RARS2: variants seen among roughly 807,000 people sequenced by gnomAD.
The protein encoded by RARS2 is probable arginine--tRNA ligase, mitochondrial.
In RARS2, 67 loss-of-function variants were observed where a neutral mutation model predicts 88.5. The ratio of observed to expected loss-of-function variants is 0.76; its 90% confidence interval spans 0.62 to 0.93. The LOEUF (loss-of-function observed/expected upper bound fraction) is 0.93. Among genes scored for constraint, RARS2 ranks in the 40% least tolerant of loss-of-function variants. The pLI, the probability that RARS2 is intolerant of heterozygous loss-of-function variation, is 0.00. For synonymous variants in RARS2, 239 were observed against 230.3 expected (o/e 1.04, Z -0.34); for missense variants, 664 against 684.2 (o/e 0.97, Z 0.33).
chr6:87,523,151 A>C (rs914720121), intron 11 of RARS2, among the ~76,000 whole-genome samples: 2 of 152,210 alleles, frequency 1.3e-5, no homozygotes, highest in Non-Finnish European at 2.9e-5. Context: ...ATAAGGACAA[A>C]ACAAAGGGAA....
intron 18 of RARS2, 110 bp downstream of exon 18, chr6:87,516,696 C>T: frequency 6.8e-7 from 1 of 1,470,084 alleles, no homozygotes; most frequent in Non-Finnish European, 9.2e-7. Context: ...ATTCCTGTAA[C>T]TAAAAGCACA....
intron 18 of RARS2, among the ~76,000 whole-genome samples, chr6:87,515,664 A>ACTAAGTAT (rs11271533): frequency 0.31 from 47,197 of 151,730 alleles, 7,430 homozygotes; most frequent in Admixed American, 0.41. Context: ...GTGGGTAGAA[A>ACTAAGTAT]CTATCCACTC....
chr6:87,532,221 T>G (rs1022111789), intron 8 of RARS2, among the ~76,000 whole-genome samples: 1 of 152,186 alleles, frequency 6.6e-6, no homozygotes, highest in African/African-American at 2.4e-5. Context: ...TACCTTTTTT[T>G]TTCCCCCTAG....
chr6:87,572,945 A>G (rs2128198454), intron 1 of RARS2, among the ~76,000 whole-genome samples: 1 of 152,328 alleles, frequency 6.6e-6, no homozygotes, highest in Non-Finnish European at 1.5e-5. Flanking sequence ...CATACTCAGT[A>G]AATAGCAGGA....
intron 2 of RARS2, 104 bp downstream of exon 2, chr6:87,569,413 G>C (rs1024753976): frequency 3.2e-5 from 27 of 847,126 alleles, no homozygotes; most frequent in Admixed American, 1.5e-4. Flanking sequence ...TTAATTTCAA[G>C]GACTATTCCA....
Position 87,538,214 on chromosome 6 carries a change from A to G in RARS2, c.612+3704T>C, listed in dbSNP as rs530953102. On this transcript the variant is annotated intron_variant, in intron 8 of 19. Transcript: ENST00000369536. The stretch of plus-strand genomic sequence containing the variant: ...AAGGAAAAGAGCAACTGAATACTCT[A>G]ATGGTCTTGTCGTCTATTACAAATA... Among the ~76,000 whole-genome samples, 11 of 152,318 alleles carry G rather than the reference A, an allele frequency of 7.2e-5. No individual in the cohort carries two copies. In the South Asian group the frequency reaches 2.1e-3, roughly 29 times the overall value.
intron 11 of RARS2, among the ~76,000 whole-genome samples, chr6:87,523,185 A>G (rs1206025031): frequency 6.6e-6 from 1 of 152,206 alleles, no homozygotes; most frequent in East Asian, 1.9e-4. Context: ...ATCAAAAAAC[A>G]AAAAAGAATA....
At chr6:87,562,460 T>C (rs753444816) in intron 4 of RARS2, among the ~76,000 whole-genome samples, 4 of 152,212 alleles carry the variant, frequency 2.6e-5, no homozygotes, top group African/African-American at 4.8e-5. Context: ...ATGTGGTATA[T>C]GACTATACAG....
At chr6:87,532,377 T>C (rs1171437880) in intron 8 of RARS2, among the ~76,000 whole-genome samples, 1 of 152,214 alleles carries the variant, frequency 6.6e-6, no homozygotes, top group Non-Finnish European at 1.5e-5. Context: ...GCCTACACTG[T>C]GGATGCAAAC....
At chr6:87,553,061 T>C (rs1395263970) in intron 5 of RARS2, among the ~76,000 whole-genome samples, 2 of 152,194 alleles carry the variant, frequency 1.3e-5, no homozygotes, top group Non-Finnish European at 2.9e-5. Flanking sequence ...TTTTCTTCCC[T>C]TGAATCTGGG....
At chr6:87,538,006 A>G (rs1161775613) in intron 8 of RARS2, among the ~76,000 whole-genome samples, 5 of 152,246 alleles carry the variant, frequency 3.3e-5, no homozygotes, top group Admixed American at 3.3e-4. Flanking sequence ...TAGAAACAGA[A>G]TAACATCAAC....
At chr6:87,534,928 C>T (rs375949723) in intron 8 of RARS2, among the ~76,000 whole-genome samples, 1 of 152,184 alleles carries the variant, frequency 6.6e-6, no homozygotes, top group African/African-American at 2.4e-5. Context: ...CCAAGCATCA[C>T]ACAGGCTGGG....
chr6:87,542,179 A>C (rs1367572132), intron 7 of RARS2, among the ~76,000 whole-genome samples, 185 bp from the exon 8 acceptor site: 2 of 152,250 alleles, frequency 1.3e-5, no homozygotes, highest in Non-Finnish European at 2.9e-5. Flanking sequence ...CAATATATTT[A>C]ATCATAAATT....
intron 10 of RARS2, among the ~76,000 whole-genome samples, chr6:87,529,232 T>G (rs1020586789): frequency 1.3e-5 from 2 of 152,250 alleles, no homozygotes; most frequent in Non-Finnish European, 2.9e-5. Flanking sequence ...AATCAGAAGA[T>G]AATAAGATAT....
At chr6:87,535,418 G>A (rs1280805925) in intron 8 of RARS2, among the ~76,000 whole-genome samples, 2 of 151,954 alleles carry the variant, frequency 1.3e-5, no homozygotes, top group Non-Finnish European at 2.9e-5. Flanking sequence ...TCATTGAATC[G>A]GTGCTTTGAT....
chr6:87,528,267 T>C (rs1366104407), intron 10 of RARS2, among the ~76,000 whole-genome samples: 1 of 146,986 alleles, frequency 6.8e-6, no homozygotes, highest in Non-Finnish European at 1.5e-5. Flanking sequence ...AAAAGATAAA[T>C]GTTGGCAATG....
chr6:87,545,734 T>C (rs1782444267), intron 6 of RARS2, 35 bp from the exon 7 acceptor site: 3 of 1,602,514 alleles, frequency 1.9e-6, no homozygotes, highest in Non-Finnish European at 2.6e-6. Flanking sequence ...TTCTCATTCT[T>C]GTTATCCATT....
At chr6:87,529,091 T>G (rs1776642888) in intron 10 of RARS2, among the ~76,000 whole-genome samples, 1 of 152,196 alleles carries the variant, frequency 6.6e-6, no homozygotes, top group Non-Finnish European at 1.5e-5. Context: ...GACTTCATAT[T>G]ACTTTTCCTG....
intron 1 of RARS2, among the ~76,000 whole-genome samples, chr6:87,582,902 G>A (rs1394652312): frequency 1.3e-5 from 2 of 152,140 alleles, no homozygotes; most frequent in Non-Finnish European, 2.9e-5. Context: ...AGTTAATAAC[G>A]AGAGCGTAAA....
Sources: gnomAD v4.1 joint callset for allele counts (sites outside exome capture counted in the v4.1 genomes callset) on GRCh38, gnomAD v4.1.1 for gene constraint, MANE v1.5 for transcripts, NCBI Gene and HGNC (gene_info 2026-07-23, HGNC 2026-07-21) for gene names.